Variants in SMG1 observed in about 807,000 individuals in gnomAD.
SMG1 encodes the protein SMG1 nonsense mediated mRNA decay associated PI3K related kinase.
A neutral mutation model predicts 419.9 loss-of-function variants in SMG1; 22 were observed. The observed-to-expected ratio is 0.05, with a 90% confidence interval of 0.04 to 0.07. The LOEUF is 0.07. Among genes scored for constraint, SMG1 ranks in the 10% least tolerant of loss-of-function variants. SMG1 has a pLI of 1.00. For missense variants in SMG1, 3,185 were observed against 4,342.0 expected (o/e 0.73, Z 7.49); for synonymous variants, 1,538 against 1,553.5 (o/e 0.99, Z 0.23).
chr16:18,828,174 G>T lies in SMG1; in HGVS notation c.9604-6C>A, dbSNP rs12448649. ...AGTAGATCTTCATGTTGCCACTGTT[G>T]AGAGAAAAAGAAATGTATTAAAATC... On this transcript the variant is annotated splice_polypyrimidine_tract_variant and splice_region_variant and intron_variant, in intron 54 of 62. Transcript: ENST00000446231. 1 of 1,610,980 alleles carries T rather than the reference G, an allele frequency of 6.2e-7. No homozygotes were observed. Among genetic ancestry groups the T allele is most frequent in the East Asian group, 2.2e-5 (1 of 44,838 alleles).
At chr16:18,818,510 G>T (rs2032223673) in intron 56 of SMG1, among the ~76,000 whole-genome samples, 1 of 152,054 alleles carries the variant, frequency 6.6e-6, no homozygotes, top group Admixed American at 6.6e-5. Flanking sequence ...TAGAGCTAAA[G>T]GGACATACCA....
chr16:18,864,520 CAG>C (rs1374722998), intron 23 of SMG1, among the ~76,000 whole-genome samples: 2 of 151,386 alleles, frequency 1.3e-5, no homozygotes, highest in East Asian at 2.0e-4. Flanking sequence ...TTTTTTGAGA[CAG>C]AGTCTTACTG....
intron 42 of SMG1, among the ~76,000 whole-genome samples, chr16:18,839,359 G>A (rs2033775597): frequency 6.6e-6 from 1 of 151,878 alleles, no homozygotes; most frequent in Admixed American, 6.6e-5. Flanking sequence ...CCACCCTCAA[G>A]TAGGCCCCAG....
chr16:18,871,046 T>C (rs2035791567), intron 16 of SMG1, among the ~76,000 whole-genome samples, 158 bp from the exon 17 acceptor site: 1 of 152,264 alleles, frequency 6.6e-6, no homozygotes, highest in Non-Finnish European at 1.5e-5. Flanking sequence ...GACTGTCACA[T>C]TTGTTAAAAT....
intron 40 of SMG1, 74 bp downstream of exon 40, chr16:18,842,134 A>G: frequency 6.8e-7 from 1 of 1,468,102 alleles, no homozygotes; most frequent in East Asian, 2.4e-5. Context: ...CTCCTACTAT[A>G]CACACCCACA....
At chr16:18,837,591 A>C (rs2033656206) in intron 45 of SMG1, 148 bp from the exon 46 acceptor site, 1 of 664,316 alleles carries the variant, frequency 1.5e-6, no homozygotes, top group Non-Finnish European at 2.5e-6. Context: ...AAAACAACTA[A>C]TGCGTTCAAG....
rs2035885274 is a variant in SMG1, at chr16:18,872,642, A to G, written c.1891-18T>C. 1.4e-6 allele frequency: 2 copies of G among 1,380,672 alleles called. No individual in the cohort carries two copies. Among genetic ancestry groups the G allele is most frequent in the Admixed American group, 5.4e-5 (2 of 37,310 alleles). The allele number at this position is 1,380,672 out of a possible 1,614,324, so 85.5% of individuals were successfully genotyped here. Reference sequence around the variant, plus strand: ...GCCCACATCTGATCATGTACAAAACAAAGTAAGTTTATGGCTTCTCCAAAA... The same window carrying G: ...GCCCACATCTGATCATGTACAAAACGAAGTAAGTTTATGGCTTCTCCAAAA... On this transcript the variant is annotated intron_variant, in intron 13 of 62. Transcript: ENST00000446231.
chr16:18,837,525 T>A, intron 45 of SMG1, 82 bp from the exon 46 acceptor site: 2 of 1,229,396 alleles, frequency 1.6e-6, no homozygotes, highest in Non-Finnish European at 2.3e-6. Context: ...ATTTTGCACA[T>A]CCTACTTAAA....
At chr16:18,842,914 G>C (rs2034008518) in intron 39 of SMG1, among the ~76,000 whole-genome samples, 1 of 152,162 alleles carries the variant, frequency 6.6e-6, no homozygotes, top group South Asian at 2.1e-4. Flanking sequence ...CTGGGATCTG[G>C]GCCATCCTGG....
chr16:18,885,473 C>A lies in SMG1; in HGVS notation c.948+68G>T, dbSNP rs573115963. 12 of 1,570,996 alleles carry A rather than the reference C, an allele frequency of 7.6e-6. No individual in the cohort carries two copies. The African/African-American group carries it at 1.5e-4, about 19-fold the overall frequency. On this transcript the variant is annotated intron_variant, in intron 7 of 62. Transcript: ENST00000446231. ...CTGAGGCATTGTTTTCCATCTGTTTCCTCAGATCCTCACACACACAACCAT... is the reference window on the plus strand; with the variant it reads ...CTGAGGCATTGTTTTCCATCTGTTTACTCAGATCCTCACACACACAACCAT...
At chr16:18,847,034 C>T (rs930181875) in intron 38 of SMG1, among the ~76,000 whole-genome samples, 10 of 146,302 alleles carry the variant, frequency 6.8e-5, no homozygotes, top group African/African-American at 2.6e-4. Context: ...TATAATCATA[C>T]AGTATTATTC....
intron 1 of SMG1, among the ~76,000 whole-genome samples, chr16:18,910,817 C>G (rs1008533731): frequency 1.3e-5 from 2 of 152,120 alleles, no homozygotes; most frequent in Admixed American, 1.3e-4. Context: ...ATCCTCCCTC[C>G]TCCCATTAAA....
At chr16:18,812,171 C>T in intron 60 of SMG1, 44 bp from the exon 61 acceptor site, 3 of 1,580,826 alleles carry the variant, frequency 1.9e-6, no homozygotes, top group Non-Finnish European at 2.6e-6. Flanking sequence ...GTAAACAGAA[C>T]ATGGAGGGGG....
intron 1 of SMG1, among the ~76,000 whole-genome samples, chr16:18,920,827 A>C (rs1049334662): frequency 2.6e-5 from 4 of 151,524 alleles, no homozygotes; most frequent in African/African-American, 9.7e-5. Context: ...GCAATGGAGT[A>C]AGACTCTGTT....
chr16:18,818,078 T>TAA (rs34054818), intron 56 of SMG1, among the ~76,000 whole-genome samples: 1 of 141,884 alleles, frequency 7.0e-6, no homozygotes. Context: ...CATGCCTAGC[T>TAA]AAAAAAAAAA....
intron 56 of SMG1, 129 bp from the exon 57 acceptor site, chr16:18,817,599 T>G: frequency 2.7e-6 from 2 of 752,224 alleles, no homozygotes; most frequent in Non-Finnish European, 4.2e-6. Flanking sequence ...GTCCTGAAAA[T>G]GTTTGGGAAA....
chr16:18,888,477 C>T (rs2036734530), intron 6 of SMG1, among the ~76,000 whole-genome samples: 1 of 135,794 alleles, frequency 7.4e-6, no homozygotes, highest in African/African-American at 2.5e-5. Flanking sequence ...GGAAAAAAAT[C>T]CTTTTTTTTT....
Position 18,807,671 on chromosome 16 carries a change from A to G in SMG1, c.*1898T>C, listed in dbSNP as rs1483853792. ...GGAATTTTTTCCTTAATACCTTTCA[A>G]GTTTGTCTGTGAAGACGGCAACTAG... On this transcript the variant is annotated 3_prime_UTR_variant, in exon 63 of 63. Transcript: ENST00000446231. 2 of 152,170 alleles carry G rather than the reference A, an allele frequency of 1.3e-5. No homozygotes were observed. Among genetic ancestry groups the G allele is most frequent in the African/African-American group, 4.8e-5 (2 of 41,446 alleles). 9.4% of individuals were successfully genotyped at this position (152,170 alleles called of 1,614,324 possible). A position where few individuals can be genotyped will look rare whatever the true frequency, so the allele number is the denominator to read the frequency against.
intron 23 of SMG1, chr16:18,866,108 A>G (rs1364054421): frequency 6.1e-6 from 1 of 162,726 alleles, no homozygotes; most frequent in African/African-American, 2.4e-5. Flanking sequence ...GGAAATACAG[A>G]ACTACAAAAG....
Sources: allele counts gnomAD v4.1 joint callset (sites outside exome capture counted in the v4.1 genomes callset), GRCh38; gene constraint gnomAD v4.1.1; transcripts MANE v1.5; gene names NCBI Gene and HGNC (gene_info 2026-07-23, HGNC 2026-07-21).